KHDRBS2: variants seen among roughly 807,000 people sequenced by gnomAD.
The protein encoded by KHDRBS2 is KH domain-containing, RNA-binding, signal transduction-associated protein 2.
A neutral mutation model predicts 44.3 loss-of-function variants in KHDRBS2; 26 were observed. The ratio of observed to expected loss-of-function variants is 0.59; its 90% CI spans 0.43 to 0.81. The LOEUF is 0.81. Ranked by LOEUF, KHDRBS2 falls within the 40% of genes least tolerant of loss-of-function variation. KHDRBS2 has a pLI of 0.00. For missense variants in KHDRBS2, 476 were observed against 433.1 expected, an observed-to-expected ratio of 1.10 and a Z score of -0.88; for synonymous variants, 194 against 151.1, an observed-to-expected ratio of 1.28 and a Z score of -2.08.
intron 1 of KHDRBS2, among the ~76,000 whole-genome samples, chr6:62,227,029 T>A (rs1831986141): frequency 6.6e-6 from 1 of 152,202 alleles, no homozygotes; most frequent in African/African-American, 2.4e-5. Context: ...TCCTTTGAAA[T>A]TTAAAGTATT....
At chr6:62,220,728 T>C (rs983889647) in intron 1 of KHDRBS2, among the ~76,000 whole-genome samples, 1 of 151,384 alleles carries the variant, frequency 6.6e-6, no homozygotes, top group Non-Finnish European at 1.5e-5. Context: ...AAATAAAATA[T>C]TGAAATAATC....
chr6:61,926,099 T>C (rs1583543344), intron 4 of KHDRBS2, among the ~76,000 whole-genome samples: 1 of 152,162 alleles, frequency 6.6e-6, no homozygotes, highest in East Asian at 1.9e-4. Flanking sequence ...ATAAAAGTAC[T>C]GTGGGTTTAT....
chr6:61,597,661 A>G, the KHDRBS2 span, among the ~76,000 whole-genome samples: 1 of 146,224 alleles, frequency 6.8e-6, no homozygotes, highest in South Asian at 2.2e-4. Context: ...TAAATGAAAG[A>G]ATGAGTCCTA....
chr6:62,270,298 TCTC>T (rs1563165040), intron 1 of KHDRBS2, among the ~76,000 whole-genome samples: 1 of 140,992 alleles, frequency 7.1e-6, no homozygotes, highest in South Asian at 2.4e-4. Flanking sequence ...TCTCTCTCTC[TCTC>T]CTCTCTCTCT....
chr6:61,795,268 A>G (rs1274283534), intron 6 of KHDRBS2, among the ~76,000 whole-genome samples: 1 of 152,144 alleles, frequency 6.6e-6, no homozygotes, highest in Non-Finnish European at 1.5e-5. Flanking sequence ...TGAAAGTCAC[A>G]CTATTAAGAA....
At chr6:61,605,508 C>T in the KHDRBS2 span, among the ~76,000 whole-genome samples, 2 of 152,140 alleles carry the variant, frequency 1.3e-5, no homozygotes, top group Non-Finnish European at 2.9e-5. Flanking sequence ...AATTCTTAGT[C>T]CTTTAATACA....
At chr6:61,840,858 A>T (rs547579065) in intron 6 of KHDRBS2, among the ~76,000 whole-genome samples, 20 of 152,306 alleles carry the variant, frequency 1.3e-4, no homozygotes, top group African/African-American at 4.6e-4. Context: ...CTCATGTTTC[A>T]TTCCCGAAAC....
intron 1 of KHDRBS2, among the ~76,000 whole-genome samples, chr6:62,265,698 C>T (rs190246414): frequency 6.6e-5 from 10 of 152,024 alleles, no homozygotes; most frequent in Admixed American, 1.3e-4. Flanking sequence ...TTTTCTTTCT[C>T]AATTAGGAGT....
At chr6:61,604,256 G>T in the KHDRBS2 span, among the ~76,000 whole-genome samples, 59 of 151,616 alleles carry the variant, frequency 3.9e-4, no homozygotes, top group Non-Finnish European at 6.6e-4. Flanking sequence ...ACTTCCAAAG[G>T]AAGCTGGAGT....
intron 2 of KHDRBS2, among the ~76,000 whole-genome samples, chr6:62,082,946 G>A (rs1797681654): frequency 6.6e-6 from 1 of 152,124 alleles, no homozygotes; most frequent in Non-Finnish European, 1.5e-5. Context: ...GGTACTCTAA[G>A]TTGAATTCCC....
intron 6 of KHDRBS2, among the ~76,000 whole-genome samples, chr6:61,745,697 A>G (rs539398317): frequency 1.6e-4 from 24 of 152,306 alleles, no homozygotes; most frequent in Middle Eastern, 6.8e-3. Flanking sequence ...ATAAAAGGGC[A>G]TAGACATATC....
chr6:61,818,421 C>A (rs1789338289), intron 6 of KHDRBS2, among the ~76,000 whole-genome samples: 1 of 151,762 alleles, frequency 6.6e-6, no homozygotes. Context: ...AGTGGAAGCA[C>A]CAATGCTAAA....
chr6:61,738,684 T>C (rs1775738610), intron 6 of KHDRBS2, among the ~76,000 whole-genome samples: 1 of 151,982 alleles, frequency 6.6e-6, no homozygotes, highest in Non-Finnish European at 1.5e-5. Context: ...CATAAACACA[T>C]ATGTTTACAA....
At chr6:61,587,651 C>T in the KHDRBS2 span, among the ~76,000 whole-genome samples, 1 of 151,800 alleles carries the variant, frequency 6.6e-6, no homozygotes, top group African/African-American at 2.4e-5. Flanking sequence ...AGAGTTGAGG[C>T]CAAAAAAAAT....
intron 2 of KHDRBS2, among the ~76,000 whole-genome samples, chr6:62,137,205 GT>G (rs1320724312): frequency 2.0e-5 from 3 of 151,890 alleles, no homozygotes; most frequent in Admixed American, 2.0e-4. Flanking sequence ...GTTTCACCGT[GT>G]TAGCCAGGAT....
chr6:62,024,905 A>G (rs1187645042), intron 3 of KHDRBS2, among the ~76,000 whole-genome samples: 1 of 151,766 alleles, frequency 6.6e-6, no homozygotes, highest in Non-Finnish European at 1.5e-5. Flanking sequence ...TACAACAAAT[A>G]GAAATCTGGG....
the KHDRBS2 span, among the ~76,000 whole-genome samples, chr6:61,595,313 C>G: frequency 6.6e-6 from 1 of 152,046 alleles, no homozygotes; most frequent in Non-Finnish European, 1.5e-5. Flanking sequence ...GATTTAGAAA[C>G]AACCTAAGTG....
At chr6:62,081,903 C>T (rs1797475034) in intron 2 of KHDRBS2, among the ~76,000 whole-genome samples, 1 of 151,948 alleles carries the variant, frequency 6.6e-6, no homozygotes, top group Non-Finnish European at 1.5e-5. Context: ...TTCCTGTAGC[C>T]TCTGAAAAGT....
chr6:62,072,579 T>C (rs1270755108), intron 2 of KHDRBS2, among the ~76,000 whole-genome samples: 5 of 152,210 alleles, frequency 3.3e-5, no homozygotes, highest in Non-Finnish European at 5.9e-5. Context: ...AATGGCCTTT[T>C]CTGCATCTAT....
Sources: gnomAD v4.1 joint callset for allele counts (sites outside exome capture counted in the v4.1 genomes callset) on GRCh38, gnomAD v4.1.1 for gene constraint, MANE v1.5 for transcripts, NCBI Gene and HGNC (gene_info 2026-07-23, HGNC 2026-07-21) for gene names.